The following RGMB variants were observed in gnomAD, a reference collection of about 807,000 sequenced individuals.
RGMB encodes repulsive guidance molecule B.
RGMB carries 16 observed loss-of-function variants against 26.9 expected under a neutral mutation model. The ratio of observed to expected loss-of-function variants is 0.60; its 90% CI spans 0.40 to 0.90. The LOEUF (loss-of-function observed/expected upper bound fraction) is 0.90, where lower values mean the gene tolerates loss of function less well. Among genes scored for constraint, RGMB ranks in the 40% least tolerant of loss-of-function variants. The pLI, the probability that RGMB is intolerant of heterozygous loss-of-function variation, is 0.00. For synonymous variants in RGMB, 225 were observed against 229.3 expected (o/e 0.98, Z 0.17); for missense variants, 512 against 573.3 (o/e 0.89, Z 1.09).
At chr5:98,792,775 A>C in intron 2 of RGMB, 1 of 187,486 alleles carries the variant, frequency 5.3e-6, no homozygotes, top group Admixed American at 5.7e-5. Context: ...GTCACTTAAA[A>C]AAAAAAAAAA....
At chr5:98,786,078 T>C (rs189252480) in intron 2 of RGMB, among the ~76,000 whole-genome samples, 39 of 152,354 alleles carry the variant, frequency 2.6e-4, no homozygotes, top group Admixed American at 4.6e-4. Flanking sequence ...ATGAGCTACC[T>C]GTTTATTCTT....
intron 2 of RGMB, 127 bp downstream of exon 2, chr5:98,780,215 C>A: frequency 1.2e-6 from 1 of 822,542 alleles, no homozygotes; most frequent in South Asian, 1.9e-5. Flanking sequence ...AAGCAATTAA[C>A]AGTTGATAAA....
At chr5:98,770,611 C>G (rs1006152900), upstream of RGMB, 2 of 1,348,070 alleles carry the variant, frequency 1.5e-6, no homozygotes, top group Non-Finnish European at 1.9e-6. Flanking sequence ...CTGCGTGTTC[C>G]GAAGTTCAGG....
intron 1 of RGMB, among the ~76,000 whole-genome samples, chr5:98,774,670 A>C (rs983517556): frequency 6.6e-6 from 1 of 152,202 alleles, no homozygotes. Context: ...AAGGAAGTAC[A>C]CCAGATGGAA....
intron 2 of RGMB, 51 bp from the exon 3 acceptor site, chr5:98,793,034 G>C: frequency 1.4e-6 from 2 of 1,457,304 alleles, no homozygotes; most frequent in East Asian, 2.3e-5. Context: ...GGGTTACCCC[G>C]TTCTGCTTCC....
At chr5:98,792,968 G>A in intron 2 of RGMB, 117 bp from the exon 3 acceptor site, 1 of 730,918 alleles carries the variant, frequency 1.4e-6, no homozygotes, top group Admixed American at 3.1e-5. Context: ...GGTCCATTTT[G>A]GAGATTCCGC....
chr5:98,789,435 G>A lies in RGMB; in HGVS notation c.646-3650G>A, dbSNP rs1041949323. On this transcript the variant is annotated intron_variant, in intron 2 of 2. Coordinates refer to ENST00000513185, the MANE Select transcript of RGMB (RefSeq NM_001366508.1). The stretch of plus-strand genomic sequence containing the variant: ...TGTACCTCTTGGCGAGGCAGTACCT[G>A]TGTATTTCCCTCTTTGTTGGCTACC... Among the ~76,000 whole-genome samples, 11 of 151,968 alleles carry A rather than the reference G, an allele frequency of 7.2e-5. No individual in the cohort carries two copies. In the East Asian group the frequency reaches 2.1e-3, roughly 29 times the overall value.
Position 98,779,440 on chromosome 5 carries a change from T to C in RGMB, c.137-140T>C, listed in dbSNP as rs182381888. 85 of 767,654 alleles carry C rather than the reference T, an allele frequency of 1.1e-4. No homozygotes were observed. The African/African-American group carries it at 1.4e-3, about 13-fold the overall frequency. The allele number at this position is 767,654 out of a possible 1,614,324, so 47.6% of individuals were successfully genotyped here. A position where few individuals can be genotyped will look rare whatever the true frequency, so the allele number is the denominator to read the frequency against. On this transcript the variant is annotated intron_variant, in intron 1 of 2. Coordinates refer to ENST00000513185, the MANE Select transcript of RGMB (RefSeq NM_001366508.1). ...AAGACACAGGAACACAATGAAACCC[T>C]GTATCTGAAGGCTTCTTAAAATAGG...
Position 98,779,876 on chromosome 5 carries a change from G to T in RGMB, c.433G>T (p.Ala145Ser). The T allele has an allele frequency of 1.2e-6, 2 of 1,614,002 alleles. No homozygotes were observed. Among genetic ancestry groups the T allele is most frequent in the South Asian group, 2.2e-5 (2 of 91,068 alleles). ...TGATCCTTGCAACTATCACAGCCAC[G>T]CTGGAGCCAGGGAACACAGGAGAGG... The part of the protein sequence containing the change: ...THDPCNYHSH[A>S]GAREHRRGDQ... The change falls in exon 2 of 3, where the codon GCT becomes TCT. Residue 145 changes from alanine (A) to serine (S), a missense_variant. Transcript: ENST00000513185.
chr5:98,776,089 T>C (rs1207757573), intron 1 of RGMB, among the ~76,000 whole-genome samples: 1 of 152,238 alleles, frequency 6.6e-6, no homozygotes, highest in African/African-American at 2.4e-5. Context: ...TCTTTTATTA[T>C]AAACTGGTGA....
At chr5:98,783,879 G>C (rs983976125) in intron 2 of RGMB, among the ~76,000 whole-genome samples, 2 of 152,154 alleles carry the variant, frequency 1.3e-5, no homozygotes, top group African/African-American at 4.8e-5. Flanking sequence ...TGTACAAGTA[G>C]TTTGAATGCC....
At chr5:98,791,668 G>A (rs1746934838) in intron 2 of RGMB, among the ~76,000 whole-genome samples, 1 of 152,116 alleles carries the variant, frequency 6.6e-6, no homozygotes, top group Admixed American at 6.5e-5. Context: ...AAGGAAGAGA[G>A]AACCCTGTTG....
upstream of RGMB, chr5:98,773,189 A>AGGAGGT (rs1746230866): frequency 6.6e-6 from 1 of 152,002 alleles, no homozygotes; most frequent in African/African-American, 2.4e-5. Flanking sequence ...GCTTCCTCCA[A>AGGAGGT]GGAGGTGGAG....
At chr5:98,780,305 A>G (rs1746555653) in intron 2 of RGMB, 1 of 494,548 alleles carries the variant, frequency 2.0e-6, no homozygotes, top group Non-Finnish European at 3.5e-6. Flanking sequence ...ACAGTGATAT[A>G]AAGAATAAAA....
chr5:98,789,356 T>A (rs987772974), intron 2 of RGMB, among the ~76,000 whole-genome samples: 1 of 152,238 alleles, frequency 6.6e-6, no homozygotes, highest in Admixed American at 6.5e-5. Context: ...GTCTGCTGTT[T>A]TAAAACCTGT....
chr5:98,783,050 G>A (rs1746657380), intron 2 of RGMB, among the ~76,000 whole-genome samples: 1 of 152,098 alleles, frequency 6.6e-6, no homozygotes, highest in Admixed American at 6.5e-5. Flanking sequence ...TCCCCACCAT[G>A]GCCCTCTCCT....
Position 98,773,709 on chromosome 5 carries a change from G to A in RGMB, c.-362G>A, listed in dbSNP as rs1011689565. On this transcript the variant is annotated 5_prime_UTR_variant, in exon 1 of 3. Coordinates refer to ENST00000513185, the MANE Select transcript of RGMB (RefSeq NM_001366508.1). Reference sequence around the variant, plus strand: ...GTGGGTGGTCGCTAGGGCTGGGCCAGCCTCTTGGAGGTCCACGCCCGCCGA... The same window carrying A: ...GTGGGTGGTCGCTAGGGCTGGGCCAACCTCTTGGAGGTCCACGCCCGCCGA... 4.0e-5 allele frequency: 15 copies of A among 373,964 alleles called. No homozygotes were observed. Among genetic ancestry groups the A allele is most frequent in the African/African-American group, 3.2e-4 (15 of 47,460 alleles). 23.2% of individuals were successfully genotyped at this position (373,964 alleles called of 1,614,324 possible).
At chr5:98,777,578 C>T (rs1274981695) in intron 1 of RGMB, among the ~76,000 whole-genome samples, 1 of 151,188 alleles carries the variant, frequency 6.6e-6, no homozygotes, top group African/African-American at 2.5e-5. Context: ...TATGATTCTG[C>T]CAGAACAAGC....
In RGMB at chr5:98,774,153, C is replaced by T. The variant is rs1289615016; in HGVS notation, c.83C>T (p.Pro28Leu). 3 of 1,498,052 alleles carry T rather than the reference C, an allele frequency of 2.0e-6. No individual in the cohort carries two copies. Among genetic ancestry groups the T allele is most frequent in the South Asian group, 1.2e-5 (1 of 80,226 alleles). The allele number at this position is 1,498,052 out of a possible 1,614,324, so 92.8% of individuals were successfully genotyped here. A position where few individuals can be genotyped will look rare whatever the true frequency, so the allele number is the denominator to read the frequency against. The change falls in exon 1 of 3, where the codon CCG becomes CTG. Residue 28 changes from proline (P) to leucine (L), a missense_variant. Transcript: ENST00000513185. ...EQRRSPGLCP[P>L]PLELLLLLLF... ...CGCCGCAGCCCCGGGCTCTGCCCCCCGCCGCTGGAGCTGCTGCTGCTGCTG... is the reference window on the plus strand; with the variant it reads ...CGCCGCAGCCCCGGGCTCTGCCCCCTGCCGCTGGAGCTGCTGCTGCTGCTG...
Sources: allele counts gnomAD v4.1 joint callset (sites outside exome capture counted in the v4.1 genomes callset), GRCh38; gene constraint gnomAD v4.1.1; transcripts MANE v1.5; gene names NCBI Gene and HGNC (gene_info 2026-07-23, HGNC 2026-07-21).